Variants in ERF observed in about 807,000 individuals in gnomAD.
The protein encoded by ERF is ETS2 repressor factor.
In ERF, 10 loss-of-function variants were observed where a neutral mutation model predicts 41.6. That is an observed-to-expected ratio of 0.24 (90% CI 0.15 to 0.41). The LOEUF (loss-of-function observed/expected upper bound fraction) is 0.41. ERF is among the 10% of genes least tolerant of loss of function. ERF has a pLI of 1.00. For missense variants in ERF, 621 were observed against 763.2 expected, an observed-to-expected ratio of 0.81 and a Z score of 2.19; for synonymous variants, 395 against 342.4, an observed-to-expected ratio of 1.15 and a Z score of -1.70.
Position 42,248,426 on chromosome 19 carries a change from T to TG in ERF, c.*38dup, listed in dbSNP as rs767806805. Reference sequence around the variant, plus strand: ...GGGGCTTAAGGCAGCAAAAGAAGCATGGGGGGTGCGGGGCACACAGGTCCC... The same window carrying TG: ...GGGGCTTAAGGCAGCAAAAGAAGCATGGGGGGGTGCGGGGCACACAGGTCCC... On this transcript the variant is annotated 3_prime_UTR_variant, in exon 4 of 4. Coordinates refer to ENST00000222329, the MANE Select transcript of ERF (RefSeq NM_006494.4). This position sits in a 1 kb window ranked among gnomAD's most constrained non-coding sequence, Gnocchi z 4.2. 5.6e-6 allele frequency: 8 copies of TG among 1,429,948 alleles called. No homozygotes were observed. In the East Asian group the frequency reaches 7.4e-5, roughly 13 times the overall value. 88.6% of individuals were successfully genotyped at this position (1,429,948 alleles called of 1,614,324 possible).
intron 1 of ERF, chr19:42,253,875 G>C (rs1005207024): frequency 1.9e-6 from 2 of 1,077,294 alleles, no homozygotes; most frequent in Non-Finnish European, 2.3e-6. Context: ...CGCCGCCGCC[G>C]CCGCCGCCGC....
rs748401659 is a variant in ERF at position 42,250,584 on chromosome 19, G to C, written c.23-19C>G. 5.0e-6 allele frequency: 8 copies of C among 1,610,016 alleles called. No homozygotes were observed. The highest frequency in any genetic ancestry group is 6.8e-6 in the Non-Finnish European group (8 of 1,178,534). ...GCAAACCCTGGGGACGGGAGGCAGG[G>C]AGTGGCCTGGGGTCAGGCTGCCAAG... On this transcript the variant is annotated intron_variant, in intron 1 of 3. Coordinates refer to ENST00000222329, the MANE Select transcript of ERF (RefSeq NM_006494.4). This position sits in a 1 kb window ranked among gnomAD's most constrained non-coding sequence, Gnocchi z 5.1.
intron 1 of ERF, among the ~76,000 whole-genome samples, chr19:42,252,450 G>A (rs2036459744): frequency 6.6e-6 from 1 of 152,126 alleles, no homozygotes. Flanking sequence ...GGAGCAGGAG[G>A]CTAAAAATAA....
At position 42,254,973 on chromosome 19, in the gene ERF, C is replaced by T. The variant is rs2036509414; in HGVS notation, c.22+5G>A. 9 of 1,491,688 alleles carry T rather than the reference C, an allele frequency of 6.0e-6. No individual in the cohort carries two copies. The highest frequency in any genetic ancestry group is 7.1e-6 in the Non-Finnish European group (8 of 1,129,590). The allele number at this position is 1,491,688 out of a possible 1,614,324, so 92.4% of individuals were successfully genotyped here. ...CTCCCCCACACGTGCTGCCCCCGCC[C>T]CCACCTGTGTCCGCCGGGGTCTTCA... On this transcript the variant is annotated splice_donor_5th_base_variant and intron_variant, in intron 1 of 3. Coordinates refer to ENST00000222329, the MANE Select transcript of ERF (RefSeq NM_006494.4).
intron 1 of ERF, 137 bp downstream of exon 1, chr19:42,254,840 AG>A: frequency 1.0e-6 from 1 of 983,614 alleles, no homozygotes; most frequent in Non-Finnish European, 1.4e-6. Flanking sequence ...GAGAAGCAAC[AG>A]GTCTCCAGTG....
Position 42,248,089 on chromosome 19 carries a change from G to C in ERF, c.*376C>G, listed in dbSNP as rs1231534053. On this transcript the variant is annotated 3_prime_UTR_variant, in exon 4 of 4. Transcript: ENST00000222329. This position sits in a 1 kb window ranked among gnomAD's most constrained non-coding sequence, Gnocchi z 4.2. Reference sequence around the variant, plus strand: ...AGGGGTACAAGAGGCAGAGAACAGGGAGGGAGACAAGGCTTTACTTCCTAA... The same window carrying C: ...AGGGGTACAAGAGGCAGAGAACAGGCAGGGAGACAAGGCTTTACTTCCTAA... 5.6e-6 allele frequency: 1 copy of C among 178,584 alleles called. No homozygotes were observed. The highest frequency in any genetic ancestry group is 1.2e-5 in the Non-Finnish European group (1 of 86,042). The allele number at this position is 178,584 out of a possible 1,614,324, so 11.1% of individuals were successfully genotyped here.
chr19:42,251,352 TTCCCTGCCCACC>T (rs903525628), intron 1 of ERF: 9 of 984,420 alleles, frequency 9.1e-6, no homozygotes, highest in African/African-American at 8.8e-5. Context: ...CTTCAGCTCC[TTCCCTGCCCACC>T]TGCCTGCCCA....
At chr19:42,253,896 A>G in intron 1 of ERF, 1 of 1,079,276 alleles carries the variant, frequency 9.3e-7, no homozygotes, top group Non-Finnish European at 1.1e-6. Flanking sequence ...CGGGGGAAGG[A>G]AACAAGTTTG....
rs371076249 is a variant in ERF at position 42,250,552 on chromosome 19, C to T, written c.36G>A (p.Pro12=). The T allele has an allele frequency of 1.9e-5, 30 of 1,613,264 alleles. No homozygotes were observed. Among genetic ancestry groups the T allele is most frequent in the East Asian group, 8.9e-5 (4 of 44,900 alleles). Residue 12 remains proline, a synonymous_variant, in exon 2 of 4, where the codon CCG becomes CCA. Transcript: ENST00000222329. The surrounding 1 kb of genome is among the most constrained non-coding windows in gnomAD (Gnocchi z 5.1). ...ACGACTCTGGCTTGTAGGCCCAATCCGGGAAGGCAAACCCTGGGGACGGGA... is the reference window on the plus strand; with the variant it reads ...ACGACTCTGGCTTGTAGGCCCAATCTGGGAAGGCAAACCCTGGGGACGGGA... ...KTPADTGFAF[P]DWAYKPESSP... is the part of the protein sequence containing the mutation.
Position 42,249,461 on chromosome 19 carries a change from G to T in ERF, c.651C>A (p.Phe217Leu). The T allele has an allele frequency of 6.2e-7, 1 of 1,601,570 alleles. No homozygotes were observed. The highest frequency in any genetic ancestry group is 8.5e-7 in the Non-Finnish European group (1 of 1,175,016). ...RPPGPPDLGA[F>L]RGPPLARLPH... ...GCAGGCGGGCCAGCGGGGGCCCTCGGAAGGCACCCAGATCCGGAGGGCCGG... is the reference window on the plus strand; with the variant it reads ...GCAGGCGGGCCAGCGGGGGCCCTCGTAAGGCACCCAGATCCGGAGGGCCGG... The change falls in exon 4 of 4, where the codon TTC becomes TTA. Residue 217 changes from phenylalanine (F) to leucine (L), a missense_variant. Transcript: ENST00000222329. This position sits in a 1 kb window ranked among gnomAD's most constrained non-coding sequence, Gnocchi z 8.6.
chr19:42,253,382 C>G (rs564608265), intron 1 of ERF, among the ~76,000 whole-genome samples: 369 of 152,242 alleles, frequency 2.4e-3, no homozygotes, highest in Non-Finnish European at 3.0e-3. Context: ...AAAGATGCAC[C>G]GATCGGAGGC....
At chr19:42,252,131 C>T (rs948757390) in intron 1 of ERF, among the ~76,000 whole-genome samples, 1 of 152,186 alleles carries the variant, frequency 6.6e-6, no homozygotes, top group African/African-American at 2.4e-5. Flanking sequence ...CACAAGGTCT[C>T]CTGCAAGGCC....
At chr19:42,253,314 G>T (rs1164051943) in intron 1 of ERF, among the ~76,000 whole-genome samples, 1 of 152,170 alleles carries the variant, frequency 6.6e-6, no homozygotes, top group East Asian at 1.9e-4. Context: ...CAGAGAGAGG[G>T]ACCGGGATGG....
rs1568472532 is a variant in ERF, at chr19:42,250,091, A to T, written c.258-149T>A. The T allele has an allele frequency of 1.2e-6, 1 of 830,062 alleles. No homozygotes were observed. 51.4% of individuals were successfully genotyped at this position (830,062 alleles called of 1,614,324 possible). A position where few individuals can be genotyped will look rare whatever the true frequency, so the allele number is the denominator to read the frequency against. On this transcript the variant is annotated intron_variant, in intron 2 of 3. Coordinates refer to ENST00000222329, the MANE Select transcript of ERF (RefSeq NM_006494.4). This position sits in a 1 kb window ranked among gnomAD's most constrained non-coding sequence, Gnocchi z 5.1. ...CAAATCAAGTGCCCAGAGGGTGGGT[A>T]CCAGCTCTCTCCTCACATCTAAGGC...
intron 1 of ERF, chr19:42,253,820 G>A (rs1599828812): frequency 1.0e-6 from 1 of 980,994 alleles, no homozygotes; most frequent in East Asian, 1.1e-4. Flanking sequence ...GGTGGGGTGG[G>A]TGGGCCGGTC....
rs2036510002 is a variant in ERF at position 42,255,011 on chromosome 19, CG to C, written c.-13del. 2.8e-6 allele frequency: 4 copies of C among 1,425,902 alleles called. No individual in the cohort carries two copies. Among genetic ancestry groups the C allele is most frequent in the Non-Finnish European group, 3.7e-6 (4 of 1,091,278 alleles). The allele number at this position is 1,425,902 out of a possible 1,614,324, so 88.3% of individuals were successfully genotyped here. On this transcript the variant is annotated 5_prime_UTR_variant, in exon 1 of 4. Coordinates refer to ENST00000222329, the MANE Select transcript of ERF (RefSeq NM_006494.4). ...GCCGGGGTCTTCATGCTGGGGGGCC[CG>C]GGGCGAAGCGCCCCGATTCCGGGCC...
chr19:42,254,049 C>CGGGGGAGGGGA (rs1447477432), intron 1 of ERF: 1 of 487,874 alleles, frequency 2.0e-6, no homozygotes, highest in Non-Finnish European at 2.7e-6. Flanking sequence ...CCGGGGGCGG[C>CGGGGGAGGGGA]GGGGGAGGGG....
At chr19:42,253,766 A>T in intron 1 of ERF, 1 of 584,670 alleles carries the variant, frequency 1.7e-6, no homozygotes, top group Non-Finnish European at 2.1e-6. Flanking sequence ...CCCGCCGAGC[A>T]GGGGGATGGG....
Position 42,250,180 on chromosome 19 carries a change from C to T in ERF, c.257+151G>A, listed in dbSNP as rs1298240664. On this transcript the variant is annotated intron_variant, in intron 2 of 3. Coordinates refer to ENST00000222329, the MANE Select transcript of ERF (RefSeq NM_006494.4). The surrounding 1 kb of genome is among the most constrained non-coding windows in gnomAD (Gnocchi z 5.1). The stretch of plus-strand genomic sequence containing the variant: ...AGGATACGTCTGTGTTACCAAGGGG[C>T]TCAGGGAAGGGCTGGGAGTGGCCCA... 1 of 877,808 alleles carries T rather than the reference C, an allele frequency of 1.1e-6. No individual in the cohort carries two copies. The highest frequency in any genetic ancestry group is 2.6e-5 in the East Asian group (1 of 38,502). 54.4% of individuals were successfully genotyped at this position (877,808 alleles called of 1,614,324 possible). A position where few individuals can be genotyped will look rare whatever the true frequency, so the allele number is the denominator to read the frequency against.
Sources: gnomAD v4.1 joint callset for allele counts (sites outside exome capture counted in the v4.1 genomes callset) on GRCh38, gnomAD v4.1.1 for gene constraint, Gnocchi (gnomAD v3.1) non-coding constraint, MANE v1.5 for transcripts, NCBI Gene and HGNC (gene_info 2026-07-23, HGNC 2026-07-21) for gene names.